Variants in PPP1R12C observed in about 807,000 individuals in gnomAD.
The protein encoded by PPP1R12C is leukocyte receptor cluster (LRC) encoded novel gene 3.
In PPP1R12C, 48 loss-of-function variants were observed where a neutral mutation model predicts 95.6. The observed-to-expected ratio is 0.50, with a 90% CI of 0.40 to 0.64. PPP1R12C has a LOEUF of 0.64. Among genes scored for constraint, PPP1R12C ranks in the 30% least tolerant of loss-of-function variants. PPP1R12C has a pLI of 0.00. For synonymous variants in PPP1R12C, 480 were observed against 460.8 expected (o/e 1.04, Z -0.53); for missense variants, 1,057 against 1,083.3 (o/e 0.98, Z 0.34).
chr19:55,098,954 A>T lies in PPP1R12C; in HGVS notation c.873T>A (p.His291Gln). The change falls in exon 5 of 22, where the codon CAT becomes CAA. Residue 291 changes from histidine to glutamine, a missense_variant. Around this residue, in one of 5 missense-constraint regions of PPP1R12C, gnomAD observed 282 missense variants for 380.4 expected, o/e 0.74. Transcript: ENST00000263433. ...EHGGGMDSLTHAGQRPCDLAD... is the reference protein window; with the variant it reads ...EHGGGMDSLTQAGQRPCDLAD... The stretch of plus-strand genomic sequence containing the variant: ...CAGCCTGGGCACTGGCCCTCACCGC[A>T]TGGGTCAGTGAGTCCATGCCCCCGC... The T allele has an allele frequency of 1.3e-6, 2 of 1,580,702 alleles. No individual in the cohort carries two copies. Among genetic ancestry groups the T allele is most frequent in the South Asian group, 1.1e-5 (1 of 87,714 alleles).
At position 55,091,715 on chromosome 19, in the gene PPP1R12C, GA is replaced by G; in HGVS notation, c.2212-16del. On this transcript the variant is annotated splice_polypyrimidine_tract_variant and intron_variant, in intron 20 of 21. Coordinates refer to ENST00000263433, the MANE Select transcript of PPP1R12C (RefSeq NM_017607.4). ...GCCCTGCGCTCCTGGAATGAACAGG[GA>G]AAGTGCAGAAACTGAGTGAGGCTGA... is the stretch of plus-strand genomic sequence containing the variant. 1 of 1,613,630 alleles carries G rather than the reference GA, an allele frequency of 6.2e-7. No individual in the cohort carries two copies. The highest frequency in any genetic ancestry group is 8.5e-7 in the Non-Finnish European group (1 of 1,179,972).
At position 55,091,085 on chromosome 19, in the gene PPP1R12C, T is replaced by G; in HGVS notation, c.*387A>C. ...CCCACCTGGCTGAGGCTGGCGGGACTCTTGGCACATTCTTGGATCCCTGCT... is the reference window on the plus strand; with the variant it reads ...CCCACCTGGCTGAGGCTGGCGGGACGCTTGGCACATTCTTGGATCCCTGCT... On this transcript the variant is annotated 3_prime_UTR_variant, in exon 22 of 22. Transcript: ENST00000263433. 3.6e-6 allele frequency: 1 copy of G among 278,230 alleles called. No homozygotes were observed. The highest frequency in any genetic ancestry group is 7.0e-6 in the Non-Finnish European group (1 of 143,536). 17.2% of individuals were successfully genotyped at this position (278,230 alleles called of 1,614,324 possible).
intron 19 of PPP1R12C, 25 bp from the exon 20 acceptor site, chr19:55,091,934 G>A (rs912041678): frequency 1.3e-5 from 21 of 1,612,538 alleles, no homozygotes; most frequent in Admixed American, 1.7e-5. Flanking sequence ...GAAAGCACAG[G>A]GGTCAGCAGA....
chr19:55,098,179 C>T (rs2084943287), intron 6 of PPP1R12C, among the ~76,000 whole-genome samples: 1 of 152,244 alleles, frequency 6.6e-6, no homozygotes, highest in Non-Finnish European at 1.5e-5. Flanking sequence ...CACGTACTCC[C>T]CCGAGCTCCT....
chr19:55,095,234 G>A lies in PPP1R12C; in HGVS notation c.1454+57C>T, dbSNP rs1473833044. On this transcript the variant is annotated intron_variant, in intron 11 of 21. Transcript: ENST00000263433. ...GGTCTCACTCAGGATCACACGGACAGGCTTGGAACCCACATCTGCCACCCA... is the reference window on the plus strand; with the variant it reads ...GGTCTCACTCAGGATCACACGGACAAGCTTGGAACCCACATCTGCCACCCA... 2.9e-5 allele frequency: 43 copies of A among 1,496,534 alleles called. No homozygotes were observed. In the South Asian group the frequency reaches 4.7e-4, roughly 16 times the overall value. 92.7% of individuals were successfully genotyped at this position (1,496,534 alleles called of 1,614,324 possible). A position where few individuals can be genotyped will look rare whatever the true frequency, so the allele number is the denominator to read the frequency against.
intron 4 of PPP1R12C, 49 bp downstream of exon 4, chr19:55,103,360 C>A (rs751953845): frequency 7.3e-7 from 1 of 1,364,252 alleles, no homozygotes; most frequent in South Asian, 2.0e-5. Flanking sequence ...AGGACAAGAT[C>A]CACAGGAAGG....
rs1237021325 is a variant in PPP1R12C at position 55,117,536 on chromosome 19, C to T, written c.8G>A (p.Gly3Glu). Residue 3 changes from glycine to glutamate, a missense_variant, in exon 1 of 22, where the codon GGA becomes GAA. Physicochemically the swap from Gly to Glu is moderately conservative, Grantham distance 98. Transcript: ENST00000263433. MS[G>E]EDGPAAGPGA... ...CGGGCCAGCCGCCGGGCCATCCTCT[C>T]CGGACATCGCACCGCCCGCCCGCCC... The T allele has an allele frequency of 6.0e-6, 6 of 1,007,202 alleles. No homozygotes were observed. Among genetic ancestry groups the T allele is most frequent in the Non-Finnish European group, 7.1e-6 (6 of 847,028 alleles). 62.4% of individuals were successfully genotyped at this position (1,007,202 alleles called of 1,614,324 possible).
chr19:55,098,732 A>G, intron 6 of PPP1R12C, 52 bp downstream of exon 6: 1 of 1,601,188 alleles, frequency 6.2e-7, no homozygotes, highest in Non-Finnish European at 8.5e-7. Context: ...TCCTCTGAGG[A>G]GCTGAGGGGA....
chr19:55,092,237 C>T lies in PPP1R12C; in HGVS notation c.2145G>A (p.Leu715=), dbSNP rs771062896. 2.5e-6 allele frequency: 4 copies of T among 1,582,242 alleles called. No individual in the cohort carries two copies. The highest frequency in any genetic ancestry group is 3.7e-4 in the Middle Eastern group (2 of 5,472). Residue 715 remains leucine, a synonymous_variant, in exon 19 of 22, where the codon CTG becomes CTA. Coordinates refer to ENST00000263433, the MANE Select transcript of PPP1R12C (RefSeq NM_017607.4). ...GCGCCCTTACCTGCGTGGCCCGCTC[C>T]AGCTCCACCTTGAGCTGCGCCAGCC... The part of the protein sequence containing the change: ...TLRLAQLKVE[L]ERATQRQERF...
rs776790606 is a variant in PPP1R12C at position 55,094,679 on chromosome 19, T to C, written c.1574A>G (p.Asp525Gly). 1.9e-6 allele frequency: 3 copies of C among 1,601,170 alleles called. No homozygotes were observed. In the East Asian group the frequency reaches 6.7e-5, roughly 36 times the overall value. The change falls in exon 12 of 22, where the codon GAC becomes GGC. Residue 525 changes from aspartate (D) to glycine (G), a missense_variant. By Grantham distance (94) the Asp-to-Gly change is moderately conservative. This residue lies in a region of PPP1R12C where 356 missense variants were observed against 330.5 expected (regional missense o/e 1.08). Coordinates refer to ENST00000263433, the MANE Select transcript of PPP1R12C (RefSeq NM_017607.4). ...VPTASTAPPA[D>G]SRDRRRSYQM... The stretch of plus-strand genomic sequence containing the variant: ...TCTTCACCTCCGTCGGTCCCGGGAG[T>C]CCGCTGGGGGCGCCGTGGAGGCTGT...
At chr19:55,095,023 G>C in intron 11 of PPP1R12C, 1 of 689,610 alleles carries the variant, frequency 1.5e-6, no homozygotes, top group Non-Finnish European at 2.5e-6. Flanking sequence ...AACTGAGAGC[G>C]GGAGGGTGTG....
intron 12 of PPP1R12C, 75 bp downstream of exon 12, chr19:55,094,586 C>T: frequency 2.6e-6 from 4 of 1,525,210 alleles, no homozygotes; most frequent in Non-Finnish European, 3.5e-6. Context: ...CCACCCAAAG[C>T]CCCGGGACTC....
rs771805284 is a variant in PPP1R12C, at chr19:55,094,667, C to A, written c.1586G>T (p.Arg529Leu). 6.3e-6 allele frequency: 10 copies of A among 1,590,884 alleles called. No homozygotes were observed. In the African/African-American group the frequency reaches 1.1e-4, roughly 17 times the overall value. The change falls in exon 12 of 22, where the codon CGA becomes CTA. Residue 529 changes from arginine (R) to leucine (L), a missense_variant. By Grantham distance (102) the Arg-to-Leu change is moderately radical (BLOSUM62 -2). Around this residue, in one of 5 missense-constraint regions of PPP1R12C, gnomAD observed 356 missense variants for 330.5 expected, o/e 1.08. Coordinates refer to ENST00000263433, the MANE Select transcript of PPP1R12C (RefSeq NM_017607.4). ...CCTGCCCTGGCCTCTTCACCTCCGT[C>A]GGTCCCGGGAGTCCGCTGGGGGCGC... is the stretch of plus-strand genomic sequence containing the variant. Reference protein sequence around the residue: ...STAPPADSRDRRRSYQMPVRD... With the variant: ...STAPPADSRDLRRSYQMPVRD...
At chr19:55,102,419 G>A (rs920112398) in intron 4 of PPP1R12C, among the ~76,000 whole-genome samples, 6 of 152,360 alleles carry the variant, frequency 3.9e-5, no homozygotes, top group African/African-American at 1.4e-4. Flanking sequence ...GGCTGAGGCA[G>A]GAGAATTCCT....
chr19:55,091,931 C>A, intron 19 of PPP1R12C, 22 bp from the exon 20 acceptor site: 1 of 1,612,700 alleles, frequency 6.2e-7, no homozygotes, highest in Non-Finnish European at 8.5e-7. Flanking sequence ...ACAGAAAGCA[C>A]AGGGGTCAGC....
chr19:55,116,345 G>A (rs552069943), intron 1 of PPP1R12C, among the ~76,000 whole-genome samples: 28 of 152,246 alleles, frequency 1.8e-4, no homozygotes, highest in African/African-American at 6.0e-4. Context: ...GGGAGGATCC[G>A]CTCAGAGGAC....
In PPP1R12C at chr19:55,091,522, T is replaced by G. The variant is rs1324065676; in HGVS notation, c.2299A>C (p.Lys767Gln). The G allele has an allele frequency of 6.2e-7, 1 of 1,613,868 alleles. No individual in the cohort carries two copies. The highest frequency in any genetic ancestry group is 8.5e-7 in the Non-Finnish European group (1 of 1,179,982). ...CGGATCAACGCTGCATTCTCATCCTTGAGGCGCTGGTTGTCAGCGCGGAGG... is the reference window on the plus strand; with the variant it reads ...CGGATCAACGCTGCATTCTCATCCTGGAGGCGCTGGTTGTCAGCGCGGAGG... The part of the protein sequence containing the change: ...SDLRADNQRL[K>Q]DENAALIRVI... Residue 767 changes from lysine to glutamine, a missense_variant, in exon 22 of 22, where the codon AAG (lysine) becomes CAG (glutamine). Lys to Gln is a moderately conservative substitution (Grantham distance 53). Coordinates refer to ENST00000263433, the MANE Select transcript of PPP1R12C (RefSeq NM_017607.4).
intron 19 of PPP1R12C, 62 bp from the exon 20 acceptor site, chr19:55,091,971 C>T (rs907761007): frequency 6.3e-7 from 1 of 1,588,636 alleles, no homozygotes; most frequent in Non-Finnish European, 8.6e-7. Context: ...CTGAAGGGTC[C>T]TAGGCTCCTG....
In PPP1R12C at chr19:55,096,175, G is replaced by C; in HGVS notation, c.1029C>G (p.Ser343Arg). The change falls in exon 8 of 22, where the codon AGC becomes AGG. Residue 343 changes from serine (S) to arginine (R), a missense_variant. Physicochemically the swap from Ser to Arg is moderately radical, Grantham distance 110 (BLOSUM62 -1). Transcript: ENST00000263433. ...CGCGACTGCTCAGACGACACACAGA[G>C]CTCCTGTTGGGGAAGGAGAGGGTGC... ...QAPSSSKHRR[S>R]SVCRLSSREK... The C allele has an allele frequency of 6.2e-7, 1 of 1,607,080 alleles. No individual in the cohort carries two copies. The highest frequency in any genetic ancestry group is 2.2e-5 in the East Asian group (1 of 44,702).
Sources: allele counts gnomAD v4.1 joint callset (sites outside exome capture counted in the v4.1 genomes callset), GRCh38; gene constraint gnomAD v4.1.1; regional missense constraint gnomAD v4.1.1; transcripts MANE v1.5; gene names NCBI Gene and HGNC (gene_info 2026-07-23, HGNC 2026-07-21).